UBB: variants seen among roughly 807,000 people sequenced by gnomAD.
UBB encodes the protein ubiquitin B.
In UBB, 11 loss-of-function variants were observed where a neutral mutation model predicts 12.5. That is an observed-to-expected ratio of 0.88 (90% CI 0.55 to 1.45). The LOEUF (loss-of-function observed/expected upper bound fraction) is 1.45. UBB is among the 40% of genes most tolerant of loss of function. UBB has a pLI of 0.00. For synonymous variants in UBB, 168 were observed against 120.1 expected (o/e 1.40, Z -2.61); for missense variants, 76 against 286.9 (o/e 0.26, Z 5.31).
intron 1 of UBB, 96 bp downstream of exon 1, chr17:16,381,280 A>AGGGGAGGGCGTGGGGGG (rs2093274116): frequency 5.7e-5 from 1 of 17,596 alleles, no homozygotes; most frequent in African/African-American, 4.3e-4. Context: ...TGGGCCGCTG[A>AGGGGAGGGCGTGGGGGG]GGGGAGGGCG....
Position 16,382,021 on chromosome 17 carries a change from C to T in UBB, c.114C>T (p.Pro38=), listed in dbSNP as rs564048225. 2.7e-5 allele frequency: 43 copies of T among 1,612,236 alleles called. No homozygotes were observed. Among genetic ancestry groups the T allele is most frequent in the South Asian group, 1.5e-4 (14 of 90,990 alleles). ...TCCAGGATAAGGAAGGCATTCCCCC[C>T]GACCAGCAGAGGCTCATCTTTGCAG... ...AKIQDKEGIP[P]DQQRLIFAGK... The change falls in exon 2 of 2, where the codon CCC becomes CCT. Residue 38 remains proline, a synonymous_variant. Transcript: ENST00000302182.
chr17:16,381,890 C>G lies in UBB; in HGVS notation c.-6-12C>G. ...CCTGAGGTGACACGCTTATGTTTTA[C>G]TTTTAAACTAGGTCAAAATGCAGAT... On this transcript the variant is annotated splice_polypyrimidine_tract_variant and intron_variant, in intron 1 of 1. Coordinates refer to ENST00000302182, the MANE Select transcript of UBB (RefSeq NM_018955.4). The G allele has an allele frequency of 1.2e-6, 2 of 1,613,662 alleles. No homozygotes were observed. The highest frequency in any genetic ancestry group is 1.7e-6 in the Non-Finnish European group (2 of 1,179,712).
upstream of UBB, chr17:16,381,045 T>C (rs1189231563): frequency 6.5e-6 from 1 of 153,480 alleles, no homozygotes; most frequent in East Asian, 1.9e-4. Flanking sequence ...GGGTGATAAG[T>C]GACGCAACAC....
At chr17:16,381,820 C>G (rs1371664661) in intron 1 of UBB, 82 bp from the exon 2 acceptor site, 14 of 1,491,878 alleles carry the variant, frequency 9.4e-6, no homozygotes, top group Non-Finnish European at 1.3e-5. Flanking sequence ...GGAATAGTTG[C>G]TAATTTTGAA....
chr17:16,381,356 G>A (rs1238884207), intron 1 of UBB, 172 bp downstream of exon 1: 1 of 176,220 alleles, frequency 5.7e-6, no homozygotes, highest in Admixed American at 5.4e-5. Context: ...TTGTTGACCT[G>A]AGGGGGGCGA....
In UBB at chr17:16,382,427, A is replaced by G. The variant is rs1328519870; in HGVS notation, c.520A>G (p.Thr174Ala). The stretch of plus-strand genomic sequence containing the variant: ...CACTCTGGAGGTGGAGCCCAGTGAC[A>G]CCATCGAAAATGTGAAGGCCAAGAT... ...TITLEVEPSD[T>A]IENVKAKIQD... The change falls in exon 2 of 2, where the codon ACC becomes GCC. Residue 174 changes from threonine (T) to alanine (A), a missense_variant. Physicochemically the swap from Thr to Ala is moderately conservative, Grantham distance 58. Coordinates refer to ENST00000302182, the MANE Select transcript of UBB (RefSeq NM_018955.4). The G allele has an allele frequency of 6.2e-7, 1 of 1,610,308 alleles. No homozygotes were observed. Among genetic ancestry groups the G allele is most frequent in the Admixed American group, 1.7e-5 (1 of 59,322 alleles).
intron 1 of UBB, 133 bp from the exon 2 acceptor site, chr17:16,381,769 G>C: frequency 8.4e-7 from 1 of 1,190,880 alleles, no homozygotes; most frequent in South Asian, 1.6e-5. Context: ...TAAAATTGAG[G>C]GGAGGCTTGC....
At chr17:16,381,090 C>T (rs931113166), upstream of UBB, 3 of 153,198 alleles carry the variant, frequency 2.0e-5, no homozygotes, top group Non-Finnish European at 2.9e-5. Flanking sequence ...CAGCCCGGAG[C>T]ATTTAGGGGC....
At chr17:16,381,697 AT>A in intron 1 of UBB, 1 of 715,216 alleles carries the variant, frequency 1.4e-6, no homozygotes, top group Non-Finnish European at 2.2e-6. Context: ...AGCGCTCTGG[AT>A]TTTCCGCTGT....
upstream of UBB, chr17:16,380,829 A>T (rs1215636324): frequency 6.5e-6 from 1 of 153,598 alleles, no homozygotes; most frequent in Non-Finnish European, 1.5e-5. Flanking sequence ...AGGTTTCTTC[A>T]ACTCAAATTC....
At chr17:16,381,766 G>A in intron 1 of UBB, 136 bp from the exon 2 acceptor site, 1 of 1,174,404 alleles carries the variant, frequency 8.5e-7, no homozygotes, top group South Asian at 1.6e-5. Context: ...TTGTAAAATT[G>A]AGGGGAGGCT....
At chr17:16,381,866 C>T (rs1394497561) in intron 1 of UBB, 36 bp from the exon 2 acceptor site, 10 of 1,608,198 alleles carry the variant, frequency 6.2e-6, no homozygotes, top group East Asian at 2.2e-5. Flanking sequence ...TACAATGATC[C>T]TGAGGTGACA....
rs148876590 is a variant in UBB at position 16,382,072 on chromosome 17, T to G, written c.165T>G (p.Thr55=). ...FAGKQLEDGR[T]LSDYNIQKES... ...GCAAGCAGCTGGAAGATGGCCGTAC[T>G]CTTTCTGACTACAACATCCAGAAGG... The change falls in exon 2 of 2, where the codon ACT becomes ACG. Residue 55 remains threonine, a synonymous_variant. Coordinates refer to ENST00000302182, the MANE Select transcript of UBB (RefSeq NM_018955.4). The G allele has an allele frequency of 4.4e-6, 7 of 1,608,070 alleles. No individual in the cohort carries two copies. The African/African-American group carries it at 8.2e-5, about 19-fold the overall frequency.
intron 1 of UBB, chr17:16,381,414 CCGAT>C (rs888283313): frequency 5.6e-5 from 10 of 179,330 alleles, no homozygotes; most frequent in African/African-American, 9.6e-5. Context: ...GGACGCCTAA[CCGAT>C]CGGCGATTCT....
chr17:16,381,979 A>G lies in UBB; in HGVS notation c.72A>G (p.Glu24=), dbSNP rs544360242. Residue 24 remains glutamate, a synonymous_variant, in exon 2 of 2, where the codon GAA becomes GAG. Coordinates refer to ENST00000302182, the MANE Select transcript of UBB (RefSeq NM_018955.4). ...AGGTGGAGCCCAGTGACACCATCGA[A>G]AATGTGAAGGCCAAGATCCAGGATA... ...TLEVEPSDTI[E]NVKAKIQDKE... is the part of the protein sequence containing the mutation. 6.2e-7 allele frequency: 1 copy of G among 1,613,498 alleles called. No individual in the cohort carries two copies. Among genetic ancestry groups the G allele is most frequent in the African/African-American group, 1.3e-5 (1 of 74,952 alleles).
chr17:16,381,856 T>A, intron 1 of UBB, 46 bp from the exon 2 acceptor site: 1 of 1,596,532 alleles, frequency 6.3e-7, no homozygotes, highest in South Asian at 1.1e-5. Context: ...AAGCAAGAAA[T>A]ACAATGATCC....
chr17:16,381,505 G>T (rs1276687805), intron 1 of UBB: 3 of 221,192 alleles, frequency 1.4e-5, no homozygotes, highest in Non-Finnish European at 9.1e-6. Flanking sequence ...TGGAATCCCA[G>T]TGTGAGAAAG....
At chr17:16,381,842 G>A (rs369794648) in intron 1 of UBB, 60 bp from the exon 2 acceptor site, 6 of 1,575,006 alleles carry the variant, frequency 3.8e-6, no homozygotes, top group Non-Finnish European at 4.3e-6. Flanking sequence ...AATATTAGGT[G>A]TAAAAGCAAG....
chr17:16,381,812 A>C lies in UBB; in HGVS notation c.-6-90A>C, dbSNP rs2093276467. The C allele has an allele frequency of 4.1e-6, 6 of 1,455,732 alleles. No homozygotes were observed. In the South Asian group the frequency reaches 8.0e-5, roughly 19 times the overall value. 90.2% of individuals were successfully genotyped at this position (1,455,732 alleles called of 1,614,324 possible). A position where few individuals can be genotyped will look rare whatever the true frequency, so the allele number is the denominator to read the frequency against. ...TAACGTATTTAAGGCATTTTGAAGG[A>C]ATAGTTGCTAATTTTGAAGAATATT... On this transcript the variant is annotated intron_variant, in intron 1 of 1. Coordinates refer to ENST00000302182, the MANE Select transcript of UBB (RefSeq NM_018955.4).
Sources: allele counts gnomAD v4.1 joint callset, GRCh38; gene constraint gnomAD v4.1.1; transcripts MANE v1.5; gene names NCBI Gene and HGNC (gene_info 2026-07-23, HGNC 2026-07-21).